ETV1: variants seen among roughly 807,000 people sequenced by gnomAD.
The protein encoded by ETV1 is ETS translocation variant 1.
A neutral mutation model predicts 62.3 loss-of-function variants in ETV1; 27 were observed. The ratio of observed to expected loss-of-function variants is 0.43; its 90% CI spans 0.32 to 0.60. The LOEUF is 0.60. Among genes scored for constraint, ETV1 ranks in the 20% least tolerant of loss-of-function variants. ETV1 has a pLI of 0.06. For missense variants in ETV1, 605 were observed against 605.8 expected, an observed-to-expected ratio of 1.00 and a Z score of 0.01; for synonymous variants, 222 against 199.6, an observed-to-expected ratio of 1.11 and a Z score of -0.94.
At chr7:13,964,163 G>A (rs1190824932) in intron 6 of ETV1, among the ~76,000 whole-genome samples, 1 of 152,136 alleles carries the variant, frequency 6.6e-6, no homozygotes, top group Non-Finnish European at 1.5e-5. Flanking sequence ...AGGCTGTTGT[G>A]TTCATGAGGA....
Position 13,943,197 on chromosome 7 carries a change from T to A in ETV1, c.236-3951A>T, listed in dbSNP as rs2128464101. Among the ~76,000 whole-genome samples, 3 of 152,290 alleles carry A rather than the reference T, an allele frequency of 2.0e-5. No individual in the cohort carries two copies. In the Middle Eastern group the frequency reaches 0.01, roughly 518 times the overall value. On this transcript the variant is annotated intron_variant, in intron 6 of 13. Coordinates refer to ENST00000430479, the MANE Select transcript of ETV1 (RefSeq NM_004956.5). ...CAGGCCAGTAGTTCACAAAAGCAGA[T>A]ATCCAGATGGCAAAACAAATCGGAA...
At chr7:13,986,753 T>A in intron 4 of ETV1, 68 bp from the exon 5 acceptor site, 2 of 1,158,524 alleles carry the variant, frequency 1.7e-6, no homozygotes, top group South Asian at 2.8e-5. Flanking sequence ...ATGGAAATAT[T>A]TGTCATGAAA....
At chr7:13,944,881 C>A (rs1308761801) in intron 6 of ETV1, among the ~76,000 whole-genome samples, 1 of 152,098 alleles carries the variant, frequency 6.6e-6, no homozygotes, top group Non-Finnish European at 1.5e-5. Context: ...AAGAGACATG[C>A]ACACAGGGAG....
chr7:13,920,954 C>T (rs966537982), intron 9 of ETV1, among the ~76,000 whole-genome samples: 1 of 152,124 alleles, frequency 6.6e-6, no homozygotes, highest in Non-Finnish European at 1.5e-5. Context: ...TCACTTTTCA[C>T]AATTGAAGCA....
chr7:13,924,964 C>T (rs61379735), intron 9 of ETV1, among the ~76,000 whole-genome samples: 10,516 of 152,162 alleles, frequency 0.069, 639 homozygotes, highest in African/African-American at 0.16. Context: ...TGAAAAAAGG[C>T]CTCATGAGTA....
intron 6 of ETV1, among the ~76,000 whole-genome samples, chr7:13,947,056 G>GT (rs1788248311): frequency 1.3e-5 from 2 of 152,280 alleles, no homozygotes; most frequent in African/African-American, 4.8e-5. Context: ...GATTATAGGC[G>GT]TGAGCCACCA....
At chr7:13,957,834 C>G (rs1458335242) in intron 6 of ETV1, among the ~76,000 whole-genome samples, 4 of 152,168 alleles carry the variant, frequency 2.6e-5, no homozygotes, top group Non-Finnish European at 5.9e-5. Context: ...CTCTGCTTTC[C>G]TTCCAAGTGT....
At position 13,909,688 on chromosome 7, in the gene ETV1, T is replaced by A. The variant is rs750579850; in HGVS notation, c.884A>T (p.Glu295Val). 1.6e-5 allele frequency: 26 copies of A among 1,612,746 alleles called. No homozygotes were observed. Among genetic ancestry groups the A allele is most frequent in the Non-Finnish European group, 2.1e-5 (25 of 1,178,970 alleles). The change falls in exon 11 of 14, where the codon GAA becomes GTA. Residue 295 changes from glutamate (E) to valine (V), a missense_variant. This residue lies in a region of ETV1 where 426 missense variants were observed against 377.8 expected (regional missense o/e 1.13). Transcript: ENST00000430479. Reference protein sequence around the residue: ...HPSRTEGCMFEKGPRQFYDDT... With the variant: ...HPSRTEGCMFVKGPRQFYDDT... Reference sequence around the variant, plus strand: ...ATCATAAAACTGCCTGGGGCCCTTTTCAAACATACAGCCTGTGGATGAAAA... The same window carrying A: ...ATCATAAAACTGCCTGGGGCCCTTTACAAACATACAGCCTGTGGATGAAAA...
intron 6 of ETV1, among the ~76,000 whole-genome samples, chr7:13,942,696 T>A (rs1371500411): frequency 1.3e-5 from 2 of 152,118 alleles, no homozygotes; most frequent in African/African-American, 2.4e-5. Context: ...GTTTTACATT[T>A]TCATAAGAAA....
At chr7:13,979,725 G>T (rs1781801758) in intron 5 of ETV1, among the ~76,000 whole-genome samples, 1 of 152,034 alleles carries the variant, frequency 6.6e-6, no homozygotes, top group African/African-American at 2.4e-5. Context: ...ACATTTATAA[G>T]AATCTAATAA....
At chr7:13,988,964 C>T in intron 3 of ETV1, 44 bp downstream of exon 3, 1 of 1,548,918 alleles carries the variant, frequency 6.5e-7, no homozygotes, top group Non-Finnish European at 8.8e-7. Context: ...CCACCCCCGA[C>T]GGAGTCAAGT....
At chr7:13,931,833 TG>T in intron 8 of ETV1, 84 bp from the exon 9 acceptor site, 1 of 1,500,038 alleles carries the variant, frequency 6.7e-7, no homozygotes, top group Admixed American at 1.9e-5. Flanking sequence ...CATTTCTTAG[TG>T]AACGAACATG....
intron 9 of ETV1, among the ~76,000 whole-genome samples, chr7:13,920,207 T>C (rs949492126): frequency 2.0e-5 from 3 of 152,146 alleles, no homozygotes; most frequent in African/African-American, 4.8e-5. Flanking sequence ...TGAAATGACA[T>C]ATTTGAATGG....
intron 6 of ETV1, among the ~76,000 whole-genome samples, chr7:13,945,606 T>A: frequency 6.6e-6 from 1 of 152,228 alleles, no homozygotes. Context: ...ATTTTCCTTA[T>A]TTTAACTTTC....
intron 12 of ETV1, 190 bp downstream of exon 12, chr7:13,906,240 G>T (rs927278679): frequency 1.4e-5 from 6 of 429,530 alleles, no homozygotes; most frequent in Non-Finnish European, 2.4e-5. Flanking sequence ...GTATACAACC[G>T]GAAGGAACAC....
intron 9 of ETV1, among the ~76,000 whole-genome samples, chr7:13,923,967 G>A (rs1173448091): frequency 2.0e-5 from 3 of 152,024 alleles, no homozygotes; most frequent in East Asian, 3.9e-4. Context: ...TCAGGGAGGC[G>A]GAGGTTGTGG....
chr7:13,970,490 A>G (rs530537312), intron 6 of ETV1, among the ~76,000 whole-genome samples: 5 of 152,294 alleles, frequency 3.3e-5, no homozygotes, highest in African/African-American at 9.6e-5. Context: ...ATATGCCTCA[A>G]AAAAAGTTTT....
At chr7:13,929,328 A>C (rs898180644) in intron 9 of ETV1, among the ~76,000 whole-genome samples, 6 of 152,194 alleles carry the variant, frequency 3.9e-5, no homozygotes, top group African/African-American at 9.6e-5. Flanking sequence ...ACTCTTATAC[A>C]ATCTGTTAAA....
chr7:13,988,142 G>A lies in ETV1; in HGVS notation c.77C>T (p.Pro26Leu). The change falls in exon 4 of 14, where the codon CCA (proline) becomes CTA (leucine). Residue 26 changes from proline to leucine, a missense_variant. Pro to Leu is a moderately conservative substitution (Grantham distance 98). Transcript: ENST00000430479. ...SQRGRNCNEKPTNVRKRKFIN... is the reference protein window; with the variant it reads ...SQRGRNCNEKLTNVRKRKFIN... ...GAATTTTCTTTTCCTGACATTTGTT[G>A]GTTTCTCGTTACAATTTCTCCCACG... The A allele has an allele frequency of 6.2e-7, 1 of 1,612,204 alleles. No homozygotes were observed. The highest frequency in any genetic ancestry group is 1.1e-5 in the South Asian group (1 of 91,042).
Sources: allele counts gnomAD v4.1 joint callset (sites outside exome capture counted in the v4.1 genomes callset), GRCh38; gene constraint gnomAD v4.1.1; regional missense constraint gnomAD v4.1.1; transcripts MANE v1.5; gene names NCBI Gene and HGNC (gene_info 2026-07-23, HGNC 2026-07-21).